The following SLC9A9 variants were observed in gnomAD, a reference collection of about 807,000 sequenced individuals.
SLC9A9 encodes the protein sodium/hydrogen exchanger 9.
A neutral mutation model predicts 77.8 loss-of-function variants in SLC9A9; 62 were observed. That is an observed-to-expected ratio of 0.80 (90% CI 0.65 to 0.98). The LOEUF (loss-of-function observed/expected upper bound fraction) is 0.98, where lower values mean the gene tolerates loss of function less well. Among genes scored for constraint, SLC9A9 ranks in the 50% least tolerant of loss-of-function variants. SLC9A9 has a pLI of 0.00. For missense variants in SLC9A9, 775 were observed against 774.9 expected (o/e 1.00, Z 0.00); for synonymous variants, 320 against 283.5 (o/e 1.13, Z -1.29).
chr3:143,319,948 G>T (rs1447844571), intron 14 of SLC9A9, among the ~76,000 whole-genome samples: 1 of 152,228 alleles, frequency 6.6e-6, no homozygotes, highest in Non-Finnish European at 1.5e-5. Flanking sequence ...CCTTTGGCAT[G>T]TTATATGGGC....
chr3:143,659,412 C>G (rs958680085), intron 5 of SLC9A9, among the ~76,000 whole-genome samples: 2 of 152,158 alleles, frequency 1.3e-5, no homozygotes, highest in Non-Finnish European at 2.9e-5. Context: ...GCTTCCCAAA[C>G]AAATGTTTCT....
At chr3:143,625,365 T>C (rs546743302) in intron 6 of SLC9A9, among the ~76,000 whole-genome samples, 28 of 152,260 alleles carry the variant, frequency 1.8e-4, no homozygotes, top group African/African-American at 6.5e-4. Context: ...CTTCAAACTA[T>C]ACTACAAGGC....
chr3:143,455,273 TTA>T (rs2035070814), intron 12 of SLC9A9, among the ~76,000 whole-genome samples: 2 of 152,212 alleles, frequency 1.3e-5, no homozygotes, highest in South Asian at 4.1e-4. Flanking sequence ...TTTAGTTAAT[TTA>T]TATGTCTATC....
At chr3:143,388,401 C>T (rs778180610) in intron 12 of SLC9A9, among the ~76,000 whole-genome samples, 1 of 152,176 alleles carries the variant, frequency 6.6e-6, no homozygotes, top group African/African-American at 2.4e-5. Context: ...ATCCTGGAAT[C>T]GGGTTGCATG....
At chr3:143,586,297 C>T (rs926926858) in intron 6 of SLC9A9, among the ~76,000 whole-genome samples, 2 of 152,158 alleles carry the variant, frequency 1.3e-5, no homozygotes, top group African/African-American at 4.8e-5. Context: ...GTTCCTAACC[C>T]CAATCTGGTA....
At chr3:143,420,315 A>C (rs2034273323) in intron 12 of SLC9A9, among the ~76,000 whole-genome samples, 1 of 152,240 alleles carries the variant, frequency 6.6e-6, no homozygotes, top group South Asian at 2.1e-4. Flanking sequence ...TTCTTAGTAC[A>C]ATAGGCATCC....
intron 1 of SLC9A9, among the ~76,000 whole-genome samples, chr3:143,833,399 T>C (rs1383640299): frequency 6.6e-6 from 1 of 152,174 alleles, no homozygotes. Flanking sequence ...TAATAAAACA[T>C]GACATGTGCT....
chr3:143,408,388 G>C (rs1194281714), intron 12 of SLC9A9, among the ~76,000 whole-genome samples: 2 of 152,200 alleles, frequency 1.3e-5, no homozygotes, highest in African/African-American at 2.4e-5. Context: ...ATTCAATGAT[G>C]ATGAGCAGGA....
At chr3:143,540,848 G>A (rs2108629579) in intron 9 of SLC9A9, among the ~76,000 whole-genome samples, 1 of 152,206 alleles carries the variant, frequency 6.6e-6, no homozygotes, top group African/African-American at 2.4e-5. Flanking sequence ...TTCAGTGCCT[G>A]ACACATTATA....
chr3:143,812,302 A>G (rs940307008), intron 2 of SLC9A9, among the ~76,000 whole-genome samples: 1 of 152,254 alleles, frequency 6.6e-6, no homozygotes, highest in Non-Finnish European at 1.5e-5. Flanking sequence ...TATAATTACA[A>G]GAGTATTTAT....
At chr3:143,719,968 T>C (rs1455174759) in intron 4 of SLC9A9, among the ~76,000 whole-genome samples, 2 of 152,058 alleles carry the variant, frequency 1.3e-5, no homozygotes, top group African/African-American at 2.4e-5. Context: ...AAATGCCCAA[T>C]CATTATTCAA....
At chr3:143,455,095 G>A (rs894955836) in intron 12 of SLC9A9, among the ~76,000 whole-genome samples, 3 of 152,160 alleles carry the variant, frequency 2.0e-5, no homozygotes, top group African/African-American at 7.2e-5. Context: ...GATGGGGAGG[G>A]GCAGAAAATG....
At chr3:143,623,862 C>G (rs907462181) in intron 6 of SLC9A9, among the ~76,000 whole-genome samples, 4 of 151,874 alleles carry the variant, frequency 2.6e-5, no homozygotes, top group Non-Finnish European at 5.9e-5. Context: ...ATTGACAGAC[C>G]GCTAGTAAGA....
At chr3:143,612,529 A>G (rs922537064) in intron 6 of SLC9A9, among the ~76,000 whole-genome samples, 21 of 152,204 alleles carry the variant, frequency 1.4e-4, no homozygotes, top group African/African-American at 5.1e-4. Context: ...GACCACCAAC[A>G]TGGATGCCTG....
chr3:143,802,109 A>G (rs1454021869), intron 2 of SLC9A9, among the ~76,000 whole-genome samples: 1 of 152,010 alleles, frequency 6.6e-6, no homozygotes, highest in Non-Finnish European at 1.5e-5. Flanking sequence ...TCTCCTTCTC[A>G]TCGGTCACTT....
At chr3:143,277,571 C>G (rs1938088361) in intron 14 of SLC9A9, among the ~76,000 whole-genome samples, 1 of 152,198 alleles carries the variant, frequency 6.6e-6, no homozygotes, top group Non-Finnish European at 1.5e-5. Context: ...CAAAAGATTT[C>G]CAGGGATCTT....
Position 143,265,931 on chromosome 3 carries a change from C to T in SLC9A9, c.*771G>A, listed in dbSNP as rs1937698282. ...GCACAGCCAAGAAGTGACTCACATG[C>T]AGGCAAGGACGGGAAGGCTTGTTCT... On this transcript the variant is annotated 3_prime_UTR_variant, in exon 16 of 16. Coordinates refer to ENST00000316549, the MANE Select transcript of SLC9A9 (RefSeq NM_173653.4). 1.6e-6 allele frequency: 1 copy of T among 632,944 alleles called. No individual in the cohort carries two copies. Among genetic ancestry groups the T allele is most frequent in the South Asian group, 1.8e-5 (1 of 55,588 alleles). The allele number at this position is 632,944 out of a possible 1,614,324, so 39.2% of individuals were successfully genotyped here. A position where few individuals can be genotyped will look rare whatever the true frequency, so the allele number is the denominator to read the frequency against.
At chr3:143,579,384 T>C (rs2037416734) in intron 6 of SLC9A9, among the ~76,000 whole-genome samples, 1 of 152,154 alleles carries the variant, frequency 6.6e-6, no homozygotes, top group Admixed American at 6.5e-5. Flanking sequence ...TTTATTTCCA[T>C]AGAGAAAAAT....
At chr3:143,645,930 C>T (rs777050103) in intron 6 of SLC9A9, among the ~76,000 whole-genome samples, 4 of 151,966 alleles carry the variant, frequency 2.6e-5, no homozygotes, top group Non-Finnish European at 5.9e-5. Context: ...CATTTGCACA[C>T]TGTGGAATTA....
Sources: allele counts gnomAD v4.1 joint callset (sites outside exome capture counted in the v4.1 genomes callset), GRCh38; gene constraint gnomAD v4.1.1; transcripts MANE v1.5; gene names NCBI Gene and HGNC (gene_info 2026-07-23, HGNC 2026-07-21).